Variants in DYNC2H1 observed in about 807,000 individuals in gnomAD.
The protein encoded by DYNC2H1 is dynein cytoplasmic 2 heavy chain 1.
DYNC2H1 carries 410 observed loss-of-function variants against 570.0 expected under a neutral mutation model. The observed-to-expected ratio is 0.72, with a 90% CI of 0.66 to 0.78. The LOEUF (loss-of-function observed/expected upper bound fraction) is 0.78. DYNC2H1 is among the 30% of genes least tolerant of loss of function. The probability of loss-of-function intolerance (pLI) is 0.00; values close to 1 mark genes in which losing one functional copy is unlikely to be tolerated. For missense variants in DYNC2H1, 4,865 were observed against 5,046.4 expected (o/e 0.96, Z 1.09); for synonymous variants, 1,688 against 1,677.6 (o/e 1.01, Z -0.15).
At chr11:103,134,567 T>A in intron 15 of DYNC2H1, 148 bp downstream of exon 15, 1 of 467,526 alleles carries the variant, frequency 2.1e-6, no homozygotes, top group Non-Finnish European at 3.5e-6. Context: ...TTGACTGAAT[T>A]ATATATAAAG....
chr11:103,364,593 CTTG>C (rs1350184714), intron 83 of DYNC2H1, among the ~76,000 whole-genome samples: 6 of 142,744 alleles, frequency 4.2e-5, no homozygotes, highest in South Asian at 4.4e-4. Flanking sequence ...GTATTTAAAT[CTTG>C]TTGTTTTTTT....
Position 103,200,163 on chromosome 11 carries a change from A to G in DYNC2H1, c.8197+9A>G. 2 of 1,508,604 alleles carry G rather than the reference A, an allele frequency of 1.3e-6. No individual in the cohort carries two copies. Among genetic ancestry groups the G allele is most frequent in the Non-Finnish European group, 9.0e-7 (1 of 1,115,250 alleles). The allele number at this position is 1,508,604 out of a possible 1,614,324, so 93.5% of individuals were successfully genotyped here. ...TAGCCTTTTGTCTTCAGGCAAGTGA[A>G]CAGTTTCTTTTCGAAGAAAATAAAA... On this transcript the variant is annotated intron_variant, in intron 50 of 88. Transcript: ENST00000375735.
chr11:103,109,653 C>A lies in DYNC2H1; in HGVS notation c.79C>A (p.Leu27Ile), dbSNP rs1211574257. Residue 27 changes from leucine to isoleucine, a missense_variant, in exon 1 of 89, where the codon CTC becomes ATC. Coordinates refer to ENST00000375735, the MANE Select transcript of DYNC2H1 (RefSeq NM_001377.3). ...TQNYFGLMSE[L>I]WDQPLLCNCL... ...GAATTACTTCGGGTTGATGTCTGAACTCTGGGATCAGCCACTGTTGTGCAA... is the reference window on the plus strand; with the variant it reads ...GAATTACTTCGGGTTGATGTCTGAAATCTGGGATCAGCCACTGTTGTGCAA... The A allele has an allele frequency of 6.2e-7, 1 of 1,613,996 alleles. No homozygotes were observed. Among genetic ancestry groups the A allele is most frequent in the Non-Finnish European group, 8.5e-7 (1 of 1,179,896 alleles).
Position 103,174,099 on chromosome 11 carries a change from C to A in DYNC2H1, c.5603C>A (p.Ala1868Asp). ...PQQHYDWGLR[A>D]LKTVLRGSGN... ...CAACATTATGATTGGGGTTTGAGAG[C>A]TTTGAAGACAGTTCTGAGAGGAAGT... Residue 1868 changes from alanine to aspartate, a missense_variant, in exon 36 of 89, where the codon GCT becomes GAT. Transcript: ENST00000375735. The A allele has an allele frequency of 6.3e-7, 1 of 1,591,182 alleles. No individual in the cohort carries two copies. Among genetic ancestry groups the A allele is most frequent in the Non-Finnish European group, 8.6e-7 (1 of 1,167,550 alleles).
intron 55 of DYNC2H1, among the ~76,000 whole-genome samples, chr11:103,216,976 C>G (rs539633978): frequency 1.3e-5 from 2 of 152,098 alleles, no homozygotes; most frequent in East Asian, 3.9e-4. Context: ...TATACTGAGA[C>G]TTTTGTTACC....
In DYNC2H1 at chr11:103,163,039, T is replaced by A; in HGVS notation, c.4503T>A (p.Asn1501Lys). Reference sequence around the variant, plus strand: ...AATTTCTTTTTCAGACATGGTTGAATGATTTGGCCTTAGAAATGAAGAAAA... The same window carrying A: ...AATTTCTTTTTCAGACATGGTTGAAAGATTTGGCCTTAGAAATGAAGAAAA... ...PLSNNVETWL[N>K]DLALEMKKTL... Residue 1501 changes from asparagine (N) to lysine (K), a missense_variant, in exon 30 of 89, where the codon AAT becomes AAA. Physicochemically the swap from Asn to Lys is moderately conservative, Grantham distance 94. Around this residue, in one of 5 missense-constraint regions of DYNC2H1, gnomAD observed 1,936 missense variants for 1,962.1 expected, o/e 0.99. Coordinates refer to ENST00000375735, the MANE Select transcript of DYNC2H1 (RefSeq NM_001377.3). This position sits in a 1 kb window ranked among gnomAD's most constrained non-coding sequence, Gnocchi z 4.6. 1 of 1,611,140 alleles carries A rather than the reference T, an allele frequency of 6.2e-7. No individual in the cohort carries two copies. Among genetic ancestry groups the A allele is most frequent in the Non-Finnish European group, 8.5e-7 (1 of 1,178,324 alleles).
chr11:103,468,546 G>A (rs1014836870), intron 87 of DYNC2H1, 43 bp from the exon 88 acceptor site: 14 of 1,436,416 alleles, frequency 9.7e-6, no homozygotes, highest in Admixed American at 1.8e-5. Flanking sequence ...TGACATTTGC[G>A]ACTTTAATGC....
intron 70 of DYNC2H1, among the ~76,000 whole-genome samples, chr11:103,269,858 G>C (rs1865635294): frequency 6.6e-6 from 1 of 152,036 alleles, no homozygotes; most frequent in Non-Finnish European, 1.5e-5. Context: ...AATAATGGAA[G>C]TTGTTGGAGT....
intron 62 of DYNC2H1, 37 bp downstream of exon 62, chr11:103,235,850 A>G (rs769848461): frequency 6.2e-7 from 1 of 1,603,874 alleles, no homozygotes; most frequent in Non-Finnish European, 8.5e-7. Flanking sequence ...GAGAGTTTGT[A>G]TTTAGTTATT....
At chr11:103,460,369 AATGTGTTC>A (rs1045221645) in intron 87 of DYNC2H1, among the ~76,000 whole-genome samples, 2 of 151,748 alleles carry the variant, frequency 1.3e-5, no homozygotes, top group African/African-American at 4.8e-5. Context: ...ATTGTGTCAA[AATGTGTTC>A]ATATTTCCCA....
intron 46 of DYNC2H1, 80 bp from the exon 47 acceptor site, chr11:103,192,017 C>CTATT: frequency 8.6e-7 from 1 of 1,159,852 alleles, no homozygotes; most frequent in Non-Finnish European, 1.2e-6. Flanking sequence ...TAGACACCTG[C>CTATT]TATTTCTTTC....
chr11:103,152,336 G>T (rs1860600768), intron 21 of DYNC2H1, 51 bp downstream of exon 21: 1 of 1,497,160 alleles, frequency 6.7e-7, no homozygotes, highest in Non-Finnish European at 9.0e-7. Context: ...TCTTACTTAA[G>T]ATTTCTTGCT....
chr11:103,115,350 T>C, intron 4 of DYNC2H1, 55 bp downstream of exon 4: 1 of 1,211,554 alleles, frequency 8.3e-7, no homozygotes. Context: ...TACTTTGGGA[T>C]TCAATTTTTA....
At chr11:103,412,814 T>C (rs1203808771) in intron 84 of DYNC2H1, among the ~76,000 whole-genome samples, 4 of 152,218 alleles carry the variant, frequency 2.6e-5, no homozygotes, top group Admixed American at 6.5e-5. Flanking sequence ...CATATACATA[T>C]AGAACTTTAT....
At chr11:103,208,729 AAT>A (rs1460288498) in intron 52 of DYNC2H1, among the ~76,000 whole-genome samples, 1 of 152,166 alleles carries the variant, frequency 6.6e-6, no homozygotes, top group Non-Finnish European at 1.5e-5. Context: ...TGAAAATGTT[AAT>A]ATATGTTATA....
At chr11:103,448,744 C>G (rs1479929572) in intron 85 of DYNC2H1, among the ~76,000 whole-genome samples, 1 of 152,084 alleles carries the variant, frequency 6.6e-6, no homozygotes, top group South Asian at 2.1e-4. Context: ...TTACCTGTTT[C>G]TTGGTTAAGG....
rs760869137 is a variant in DYNC2H1 at position 103,316,523 on chromosome 11, T to TAA, written c.11650-16_11650-15dup. 9 of 1,522,466 alleles carry TAA rather than the reference T, an allele frequency of 5.9e-6. No individual in the cohort carries two copies. The highest frequency in any genetic ancestry group is 7.9e-6 in the Non-Finnish European group (9 of 1,132,388). The allele number at this position is 1,522,466 out of a possible 1,614,324, so 94.3% of individuals were successfully genotyped here. A position where few individuals can be genotyped will look rare whatever the true frequency, so the allele number is the denominator to read the frequency against. On this transcript the variant is annotated intron_variant, in intron 79 of 88. Transcript: ENST00000375735. ...TTTGACTACTGCTTAGTTGTTTACT[T>TAA]AAAAAAATTGTTTTTTGACAGGGTT...
chr11:103,119,465 G>A (rs543623165), intron 6 of DYNC2H1, among the ~76,000 whole-genome samples: 62 of 152,068 alleles, frequency 4.1e-4, no homozygotes, highest in African/African-American at 1.3e-3. Context: ...TCAGCCTCCT[G>A]AGTAGCTGGG....
At chr11:103,238,738 A>G (rs1001594243) in intron 63 of DYNC2H1, among the ~76,000 whole-genome samples, 16 of 152,196 alleles carry the variant, frequency 1.1e-4, no homozygotes, top group Non-Finnish European at 2.1e-4. Context: ...GGTTAAGCTA[A>G]CTATTGAAGT....
Sources: gnomAD v4.1 joint callset for allele counts (sites outside exome capture counted in the v4.1 genomes callset) on GRCh38, gnomAD v4.1.1 for gene constraint, gnomAD v4.1.1 regional missense constraint, Gnocchi (gnomAD v3.1) non-coding constraint, MANE v1.5 for transcripts, NCBI Gene and HGNC (gene_info 2026-07-23, HGNC 2026-07-21) for gene names.